SIRT6: variants seen among roughly 807,000 people sequenced by gnomAD.
SIRT6 encodes NAD-dependent protein deacylase sirtuin-6.
In SIRT6, 21 loss-of-function variants were observed where a neutral mutation model predicts 33.6. That is an observed-to-expected ratio of 0.62 (90% CI 0.44 to 0.90). The LOEUF (loss-of-function observed/expected upper bound fraction) is 0.90, where lower values mean the gene tolerates loss of function less well. Ranked by LOEUF, SIRT6 falls within the 40% of genes least tolerant of loss-of-function variation. The pLI is 0.00. For missense variants in SIRT6, 504 were observed against 510.6 expected (o/e 0.99, Z 0.12); for synonymous variants, 221 against 223.9 (o/e 0.99, Z 0.12).
chr19:4,175,350 C>T, intron 6 of SIRT6, 199 bp from the exon 7 acceptor site: 1 of 726,872 alleles, frequency 1.4e-6, no homozygotes, highest in Non-Finnish European at 2.2e-6. Flanking sequence ...TGGGCGGGCC[C>T]TTAGACACTT....
Position 4,181,060 on chromosome 19 carries a change from A to G in SIRT6, c.67-151T>C, listed in dbSNP as rs1165105692. On this transcript the variant is annotated intron_variant, in intron 1 of 7. Transcript: ENST00000337491. ...TTGTCCTCATGCCCCTCCTCTTCCT[A>G]CAACCTTCCATGCCTCCCACCTGCC... 1.4e-5 allele frequency: 15 copies of G among 1,080,224 alleles called. No individual in the cohort carries two copies. The Admixed American group carries it at 4.5e-4, about 33-fold the overall frequency. 66.9% of individuals were successfully genotyped at this position (1,080,224 alleles called of 1,614,324 possible).
rs750787024 is a variant in SIRT6, at chr19:4,175,688, C to T, written c.606G>A (p.Glu202=). 6.4e-7 allele frequency: 1 copy of T among 1,561,438 alleles called. No homozygotes were observed. The part of the protein sequence containing the change: ...LPDRDLALAD[E]ASRNADLSIT... ...GGGGTGGGGGGTCAGACCTGCTGGC[C>T]TCATCGGCGAGTGCCAGGTCCCGGT... Residue 202 remains glutamate (E), a synonymous_variant, in exon 6 of 8, where the codon GAG becomes GAA. Coordinates refer to ENST00000337491, the MANE Select transcript of SIRT6 (RefSeq NM_016539.4).
At chr19:4,175,274 C>T (rs1420697862) in intron 6 of SIRT6, 123 bp from the exon 7 acceptor site, 3 of 1,334,654 alleles carry the variant, frequency 2.2e-6, no homozygotes, top group Non-Finnish European at 3.0e-6. Flanking sequence ...GCCAGCCCCA[C>T]TCCCGAGTCA....
intron 6 of SIRT6, 164 bp from the exon 7 acceptor site, chr19:4,175,315 C>G: frequency 2.1e-6 from 2 of 955,668 alleles, no homozygotes; most frequent in Non-Finnish European, 3.0e-6. Flanking sequence ...CCCTCCTCTG[C>G]GGTCCGTTGG....
chr19:4,179,576 T>A (rs551219908), intron 2 of SIRT6: 6 of 450,190 alleles, frequency 1.3e-5, no homozygotes, highest in East Asian at 1.2e-4. Flanking sequence ...GAGAGAGAGA[T>A]GAATTCACAC....
chr19:4,181,885 T>C (rs2145186062), intron 1 of SIRT6, among the ~76,000 whole-genome samples: 1 of 152,290 alleles, frequency 6.6e-6, no homozygotes, highest in Middle Eastern at 3.4e-3. Flanking sequence ...ATTAAATGCA[T>C]GAGTCAGAAT....
At chr19:4,175,304 G>T in intron 6 of SIRT6, 153 bp from the exon 7 acceptor site, 1 of 1,040,260 alleles carries the variant, frequency 9.6e-7, no homozygotes, top group Non-Finnish European at 1.4e-6. Context: ...ATCCCGCCCT[G>T]CCCTCCTCTG....
Position 4,181,854 on chromosome 19 carries a change from G to A in SIRT6, c.66+620C>T, listed in dbSNP as rs539650588. 9.9e-5 allele frequency among the ~76,000 whole-genome samples: 15 copies of A among 152,234 alleles called. No homozygotes were observed. The South Asian group carries it at 1.0e-3, about 11-fold the overall frequency. On this transcript the variant is annotated intron_variant, in intron 1 of 7. Transcript: ENST00000337491. ...GCAGTGAAGAGTGGGGCTTCTGGAC[G>A]GGCGCACACCATCAGCGCTCATTAA...
chr19:4,180,592 G>T, intron 2 of SIRT6, 190 bp downstream of exon 2: 1 of 596,504 alleles, frequency 1.7e-6, no homozygotes, highest in Non-Finnish European at 2.6e-6. Flanking sequence ...TATTGGCCAG[G>T]CTGGTCTGGA....
Position 4,175,094 on chromosome 19 carries a change from G to A in SIRT6, c.672C>T (p.Asn224=). The A allele has an allele frequency of 6.3e-7, 1 of 1,585,336 alleles. No individual in the cohort carries two copies. Residue 224 remains asparagine, a synonymous_variant, in exon 7 of 8, where the codon AAC becomes AAT. Coordinates refer to ENST00000337491, the MANE Select transcript of SIRT6 (RefSeq NM_016539.4). ...CCCGGCGCTTGGTAGCCAGCGGCAG[G>A]TTCCCGCTGGGCCGGATCTGCAGCG... The part of the protein sequence containing the change: ...GTSLQIRPSG[N]LPLATKRRGG...
In SIRT6 at chr19:4,174,676, T is replaced by TGGGCCGCTCCCGTTTGGGGCTGGC; in HGVS notation, c.985_1008dup (p.Ala329_Pro336dup). Reference sequence around the variant, plus strand: ...GGGGGTCTGTGGGGGGCAGGGCTGGTGGGCCGCTCCCGTTTGGGGCTGGCG... The same window carrying TGGGCCGCTCCCGTTTGGGGCTGGC: ...GGGGGTCTGTGGGGGGCAGGGCTGGTGGGCCGCTCCCGTTTGGGGCTGGCGGGCCGCTCCCGTTTGGGGCTGGCG... On this transcript the variant is annotated inframe_insertion, in exon 8 of 8. Coordinates refer to ENST00000337491, the MANE Select transcript of SIRT6 (RefSeq NM_016539.4). This position sits in a 1 kb window ranked among gnomAD's most constrained non-coding sequence, Gnocchi z 4.2. 1 of 1,459,658 alleles carries TGGGCCGCTCCCGTTTGGGGCTGGC rather than the reference T, an allele frequency of 6.9e-7. No individual in the cohort carries two copies. Among genetic ancestry groups the TGGGCCGCTCCCGTTTGGGGCTGGC allele is most frequent in the African/African-American group, 1.4e-5 (1 of 70,318 alleles). The allele number at this position is 1,459,658 out of a possible 1,614,324, so 90.4% of individuals were successfully genotyped here. A position where few individuals can be genotyped will look rare whatever the true frequency, so the allele number is the denominator to read the frequency against.
Position 4,174,884 on chromosome 19 carries a change from C to A in SIRT6, c.801G>T (p.Lys267Asn). Residue 267 changes from lysine to asparagine, a missense_variant, in exon 8 of 8, where the codon AAG (lysine) becomes AAT (asparagine). Transcript: ENST00000337491. The surrounding 1 kb of genome is among the most constrained non-coding windows in gnomAD (Gnocchi z 4.2). ...YVDEVMTRLM[K>N]HLGLEIPAWD... ...AGGCGGGGATCTCCAGCCCCAGGTG[C>A]TTCATGAGCCGGGTCATGACCTCGT... 6.2e-7 allele frequency: 1 copy of A among 1,602,514 alleles called. No homozygotes were observed.
Position 4,181,258 on chromosome 19 carries a change from A to G in SIRT6, c.67-349T>C, listed in dbSNP as rs539500770. Among the ~76,000 whole-genome samples the G allele has an allele frequency of 2.0e-5, 3 of 151,878 alleles. No homozygotes were observed. In the South Asian group the frequency reaches 6.2e-4, roughly 32 times the overall value. ...GTCCCGCCTCAGGGCCACACCCTTT[A>G]ATGCTCTTCCCCCAGATACCCACAT... On this transcript the variant is annotated intron_variant, in intron 1 of 7. Coordinates refer to ENST00000337491, the MANE Select transcript of SIRT6 (RefSeq NM_016539.4).
chr19:4,174,651 G>A lies in SIRT6; in HGVS notation c.1034C>T (p.Pro345Leu). ...GACCGCCTTGGCCTTCACCCTTTTG[G>A]GGGGTCTGTGGGGGGCAGGGCTGGT... ...RPTSPAPHRPPKRVKAKAVPS is the reference protein window; with the variant it reads ...RPTSPAPHRPLKRVKAKAVPS Residue 345 changes from proline (P) to leucine (L), a missense_variant, in exon 8 of 8, where the codon CCC (proline) becomes CTC (leucine). Coordinates refer to ENST00000337491, the MANE Select transcript of SIRT6 (RefSeq NM_016539.4). The surrounding 1 kb of genome is among the most constrained non-coding windows in gnomAD (Gnocchi z 4.2). 2 of 1,452,122 alleles carry A rather than the reference G, an allele frequency of 1.4e-6. No individual in the cohort carries two copies. Among genetic ancestry groups the A allele is most frequent in the Non-Finnish European group, 9.1e-7 (1 of 1,099,776 alleles). 90.0% of individuals were successfully genotyped at this position (1,452,122 alleles called of 1,614,324 possible).
chr19:4,178,012 C>G (rs1339634036), intron 3 of SIRT6, among the ~76,000 whole-genome samples: 1 of 151,764 alleles, frequency 6.6e-6, no homozygotes, highest in Non-Finnish European at 1.5e-5. Context: ...CATAAGTCAC[C>G]ACACCTGACC....
At chr19:4,180,617 G>C in intron 2 of SIRT6, 165 bp downstream of exon 2, 1 of 798,878 alleles carries the variant, frequency 1.3e-6, no homozygotes, top group Non-Finnish European at 1.8e-6. Context: ...TTGACCTTGT[G>C]ATCCACCATG....
At chr19:4,177,185 G>A (rs200821986) in intron 3 of SIRT6, 47 bp from the exon 4 acceptor site, 53 of 1,600,084 alleles carry the variant, frequency 3.3e-5, no homozygotes, top group Middle Eastern at 3.3e-4. Flanking sequence ...AGGATCCCTG[G>A]ATGCCCAGGC....
In SIRT6 at chr19:4,174,439, A is replaced by C; in HGVS notation, c.*178T>G. On this transcript the variant is annotated 3_prime_UTR_variant, in exon 8 of 8. Coordinates refer to ENST00000337491, the MANE Select transcript of SIRT6 (RefSeq NM_016539.4). This position sits in a 1 kb window ranked among gnomAD's most constrained non-coding sequence, Gnocchi z 4.2. ...GGGTGTGGCTTCTTCCCGGAACCGC[A>C]CCAGAGGCCCCTGGAGCCCAGGGAG... 1 of 513,984 alleles carries C rather than the reference A, an allele frequency of 1.9e-6. No homozygotes were observed. The highest frequency in any genetic ancestry group is 3.2e-6 in the Non-Finnish European group (1 of 311,450). The allele number at this position is 513,984 out of a possible 1,614,324, so 31.8% of individuals were successfully genotyped here. A position where few individuals can be genotyped will look rare whatever the true frequency, so the allele number is the denominator to read the frequency against.
Position 4,175,286 on chromosome 19 carries a change from C to A in SIRT6, c.615-135G>T, listed in dbSNP as rs896400926. On this transcript the variant is annotated intron_variant, in intron 6 of 7. Coordinates refer to ENST00000337491, the MANE Select transcript of SIRT6 (RefSeq NM_016539.4). Reference sequence around the variant, plus strand: ...AAGGCCAGCCCCACTCCCGAGTCAGCCTTTGGGATCCCGCCCTGCCCTCCT... The same window carrying A: ...AAGGCCAGCCCCACTCCCGAGTCAGACTTTGGGATCCCGCCCTGCCCTCCT... 8 of 1,230,890 alleles carry A rather than the reference C, an allele frequency of 6.5e-6. No individual in the cohort carries two copies. In the Admixed American group the frequency reaches 2.1e-4, roughly 32 times the overall value. 76.2% of individuals were successfully genotyped at this position (1,230,890 alleles called of 1,614,324 possible).
Sources: gnomAD v4.1 joint callset for allele counts (sites outside exome capture counted in the v4.1 genomes callset) on GRCh38, gnomAD v4.1.1 for gene constraint, Gnocchi (gnomAD v3.1) non-coding constraint, MANE v1.5 for transcripts, NCBI Gene and HGNC (gene_info 2026-07-23, HGNC 2026-07-21) for gene names.